Variants in DLG1 observed in about 807,000 individuals in gnomAD.
The protein encoded by DLG1 is disks large homolog 1.
In DLG1, 42 loss-of-function variants were observed where a neutral mutation model predicts 123.4. That is an observed-to-expected ratio of 0.34 (90% CI 0.27 to 0.44). DLG1 has a LOEUF of 0.44. DLG1 is among the 20% of genes least tolerant of loss of function. The probability of loss-of-function intolerance (pLI) is 1.00; values close to 1 mark genes in which losing one functional copy is unlikely to be tolerated. For missense variants in DLG1, 942 were observed against 1,082.6 expected (o/e 0.87, Z 1.82); for synonymous variants, 317 against 356.2 (o/e 0.89, Z 1.24).
chr3:197,267,265 A>G (rs1046389998), intron 4 of DLG1, among the ~76,000 whole-genome samples: 1 of 152,230 alleles, frequency 6.6e-6, no homozygotes, highest in Admixed American at 6.5e-5. Context: ...GAAGATAAAA[A>G]ATTTTCAAAA....
intron 12 of DLG1, 103 bp downstream of exon 12, chr3:197,119,304 CAAT>C: frequency 1.1e-6 from 1 of 941,864 alleles, no homozygotes; most frequent in South Asian, 2.4e-5. Flanking sequence ...CACTAACTGT[CAAT>C]AAAATTTTTT....
intron 5 of DLG1, among the ~76,000 whole-genome samples, chr3:197,187,290 T>C (rs757826519): frequency 3.3e-5 from 5 of 152,198 alleles, no homozygotes; most frequent in Non-Finnish European, 2.9e-5. Flanking sequence ...AAACTGCTCA[T>C]TATATACTAG....
intron 23 of DLG1, among the ~76,000 whole-genome samples, 196 bp from the exon 24 acceptor site, chr3:197,051,864 C>G (rs1306625449): frequency 1.9e-5 from 2 of 103,562 alleles, no homozygotes; most frequent in Non-Finnish European, 1.8e-5. Flanking sequence ...TTTTTTGAGA[C>G]AGTGTCTGAC....
intron 4 of DLG1, among the ~76,000 whole-genome samples, chr3:197,204,055 A>G (rs1002043632): frequency 6.6e-6 from 1 of 152,248 alleles, no homozygotes; most frequent in Admixed American, 6.5e-5. Flanking sequence ...TGCTCACAAC[A>G]GGTAGCTCAA....
intron 10 of DLG1, among the ~76,000 whole-genome samples, chr3:197,134,472 CA>C (rs11319273): frequency 0.44 from 42,532 of 96,640 alleles, 6,556 homozygotes; most frequent in East Asian, 0.63. Context: ...TTCATAATAC[CA>C]AAAAAAAAAA....
intron 4 of DLG1, among the ~76,000 whole-genome samples, chr3:197,279,423 T>C (rs958045212): frequency 2.6e-5 from 4 of 152,198 alleles, no homozygotes; most frequent in Non-Finnish European, 5.9e-5. Context: ...TTTTTAAACA[T>C]CTAGGCCTTG....
intron 11 of DLG1, 148 bp from the exon 12 acceptor site, chr3:197,119,678 A>G: frequency 1.3e-6 from 1 of 781,170 alleles, no homozygotes; most frequent in Non-Finnish European, 1.8e-6. Context: ...AAAAAACTGG[A>G]CATTATGTTG....
chr3:197,080,267 C>CTTTTTTTT lies in DLG1; in HGVS notation c.1905+776_1905+783dup, dbSNP rs767056279. 1.9e-4 allele frequency among the ~76,000 whole-genome samples: 10 copies of CTTTTTTTT among 51,904 alleles called. 1 individual carries two copies. Among genetic ancestry groups the CTTTTTTTT allele is most frequent in the African/African-American group, 8.3e-4 (10 of 11,984 alleles). The allele number at this position is 51,904 out of a possible 152,430, so 34.1% of individuals were successfully genotyped here. The stretch of plus-strand genomic sequence containing the variant: ...TATGATGAAAGAATTGATATATTTC[C>CTTTTTTTT]TTTTTTTTTTTTTTTTTTTTTTTTT... On this transcript the variant is annotated intron_variant, in intron 17 of 24. Transcript: ENST00000667157.
At chr3:197,288,719 CAAAAAA>C (rs1214430122) in intron 3 of DLG1, among the ~76,000 whole-genome samples, 32 of 61,928 alleles carry the variant, frequency 5.2e-4, no homozygotes, top group African/African-American at 1.8e-3. Flanking sequence ...GAAACTGTCT[CAAAAAA>C]AAAAAAAAAA....
chr3:197,108,887 ATTTAC>A (rs1304083665), intron 13 of DLG1, among the ~76,000 whole-genome samples: 1 of 152,150 alleles, frequency 6.6e-6, no homozygotes, highest in African/African-American at 2.4e-5. Context: ...ATAATGTAGA[ATTTAC>A]TTAATTTGGT....
At chr3:197,062,112 T>C (rs558507233) in intron 22 of DLG1, among the ~76,000 whole-genome samples, 1 of 152,194 alleles carries the variant, frequency 6.6e-6, no homozygotes, top group East Asian at 1.9e-4. Flanking sequence ...ATGATGGGAG[T>C]TACGTCCCAA....
chr3:197,258,419 T>G (rs908586868), intron 4 of DLG1, among the ~76,000 whole-genome samples: 1 of 82,134 alleles, frequency 1.2e-5, no homozygotes. Context: ...GAAGAACATA[T>G]AGTTATGGGG....
Position 197,065,280 on chromosome 3 carries a change from T to C in DLG1, c.2369A>G (p.Glu790Gly). Residue 790 changes from glutamate to glycine, a missense_variant, in exon 22 of 25, where the codon GAA becomes GGA. Glu to Gly is a moderately conservative substitution (Grantham distance 98, BLOSUM62 -2). Transcript: ENST00000667157. ...TSVQSVREVA[E>G]KGKHCILDVS... ...TGGGATTAGTCTGATGCTTACCTTTTCTGCTACTTCTCGTACAGACTGAAC... is the reference window on the plus strand; with the variant it reads ...TGGGATTAGTCTGATGCTTACCTTTCCTGCTACTTCTCGTACAGACTGAAC... The C allele has an allele frequency of 6.2e-7, 1 of 1,600,870 alleles. No individual in the cohort carries two copies. Among genetic ancestry groups the C allele is most frequent in the Non-Finnish European group, 8.5e-7 (1 of 1,175,694 alleles).
intron 4 of DLG1, among the ~76,000 whole-genome samples, chr3:197,243,315 G>A (rs1749915025): frequency 6.6e-6 from 1 of 152,168 alleles, no homozygotes; most frequent in Non-Finnish European, 1.5e-5. Flanking sequence ...CCTGTTAAAG[G>A]CAGGAAAAAC....
chr3:197,295,562 G>T (rs1474292935), intron 3 of DLG1, among the ~76,000 whole-genome samples: 1 of 151,718 alleles, frequency 6.6e-6, no homozygotes. Flanking sequence ...TGAGGTACCT[G>T]GACAAAAGAG....
intron 11 of DLG1, among the ~76,000 whole-genome samples, chr3:197,129,075 A>C (rs1408695736): frequency 3.3e-5 from 5 of 152,250 alleles, no homozygotes; most frequent in African/African-American, 4.8e-5. Context: ...AGCAACTAAC[A>C]AGAAAGTCAG....
At chr3:197,051,709 A>C in intron 23 of DLG1, 41 bp from the exon 24 acceptor site, 1 of 1,454,346 alleles carries the variant, frequency 6.9e-7, no homozygotes, top group Non-Finnish European at 9.6e-7. Context: ...ACCAAATTAT[A>C]ATACTTTTAA....
rs80182212 is a variant in DLG1 at position 197,088,342 on chromosome 3, T to C, written c.1661+2570A>G. On this transcript the variant is annotated intron_variant, in intron 15 of 24. Transcript: ENST00000667157. ...AAAATCTCAGAGACACACCAGATCA[T>C]GTCCACAAAAGAAATGGAAGATGAG... Among the ~76,000 whole-genome samples, 1,101 of 152,144 alleles carry C rather than the reference T, an allele frequency of 7.2e-3. 10 individuals carry two copies. Among genetic ancestry groups the C allele is most frequent in the Non-Finnish European group, 0.013 (902 of 67,984 alleles).
chr3:197,043,390 AGAG>A lies in DLG1; in HGVS notation c.*1230_*1232del, dbSNP rs554116737. 3.9e-5 allele frequency: 6 copies of A among 152,294 alleles called. No homozygotes were observed. The highest frequency in any genetic ancestry group is 3.9e-4 in the East Asian group (2 of 5,184). The allele number at this position is 152,294 out of a possible 1,614,324, so 9.4% of individuals were successfully genotyped here. ...AACCATTTGAAAACCTTTGTAGAAA[AGAG>A]GAGAATATGCCCACACTTTTACTTA... On this transcript the variant is annotated 3_prime_UTR_variant, in exon 25 of 25. Transcript: ENST00000667157.
Sources: gnomAD v4.1 joint callset for allele counts (sites outside exome capture counted in the v4.1 genomes callset) on GRCh38, gnomAD v4.1.1 for gene constraint, MANE v1.5 for transcripts, NCBI Gene and HGNC (gene_info 2026-07-23, HGNC 2026-07-21) for gene names.